Variants in PUS3 observed in about 807,000 individuals in gnomAD.
PUS3 encodes the protein pseudouridine synthase 3.
In PUS3, 36 loss-of-function variants were observed where a neutral mutation model predicts 43.3. The observed-to-expected ratio is 0.83, with a 90% confidence interval of 0.64 to 1.10. The LOEUF (loss-of-function observed/expected upper bound fraction) is 1.10, where lower values mean the gene tolerates loss of function less well. PUS3 is among the 50% of genes least tolerant of loss of function. The pLI, the probability that PUS3 is intolerant of heterozygous loss-of-function variation, is 0.00. For synonymous variants in PUS3, 183 were observed against 199.2 expected (o/e 0.92, Z 0.69); for missense variants, 544 against 589.9 (o/e 0.92, Z 0.81).
Position 125,895,406 on chromosome 11 carries a change from A to G in PUS3, c.762T>C (p.Gly254=), listed in dbSNP as rs767044829. The change falls in exon 3 of 4, where the codon GGT becomes GGC. Residue 254 remains glycine (G), a synonymous_variant. Transcript: ENST00000227474. ...GGAAAGGTTCTTGCCATCTCCCCTC[A>G]CCTGGGCTCTGGCCCACTAGCTGTA... ...AQVQLVGQSP[G]EGRWQEPFQL... 6.2e-7 allele frequency: 1 copy of G among 1,614,024 alleles called. No individual in the cohort carries two copies. Among genetic ancestry groups the G allele is most frequent in the East Asian group, 2.2e-5 (1 of 44,882 alleles).
At chr11:125,896,630 T>C (rs746870594) in intron 1 of PUS3, among the ~76,000 whole-genome samples, 9 of 152,252 alleles carry the variant, frequency 5.9e-5, no homozygotes, top group Non-Finnish European at 1.3e-4. Context: ...ACTGAATTGA[T>C]TGAGGACTGA....
At position 125,893,831 on chromosome 11, in the gene PUS3, G is replaced by A. The variant is rs1417057617; in HGVS notation, c.1400C>T (p.Pro467Leu). 1.2e-6 allele frequency: 2 copies of A among 1,613,310 alleles called. No homozygotes were observed. Among genetic ancestry groups the A allele is most frequent in the Admixed American group, 1.7e-5 (1 of 59,952 alleles). ...TGTGTCAACACAGACCCTCTTCGTT[G>A]GTGTCTCCAAATTAGTATTCTCTTC... is the stretch of plus-strand genomic sequence containing the variant. The part of the protein sequence containing the change: ...LEEENTNLET[P>L]TKRVCVDTEI... The change falls in exon 4 of 4, where the codon CCA (proline) becomes CTA (leucine). Residue 467 changes from proline to leucine, a missense_variant. Coordinates refer to ENST00000227474, the MANE Select transcript of PUS3 (RefSeq NM_031307.4).
At chr11:125,897,984 T>C (rs1944638801) in intron 1 of PUS3, among the ~76,000 whole-genome samples, 1 of 152,158 alleles carries the variant, frequency 6.6e-6, no homozygotes, top group Admixed American at 6.5e-5. Context: ...CATTCATACA[T>C]TGGAATTCCG....
rs756716912 is a variant in PUS3 at position 125,900,048 on chromosome 11, G to A, written c.-47+3122C>T. ...TACAAACGGGACTGGGACTCAATAC[G>A]TTTACCTGGTGAAGATCATAGAAAG... On this transcript the variant is annotated intron_variant, in intron 1 of 3. Transcript: ENST00000227474. 12 of 1,614,086 alleles carry A rather than the reference G, an allele frequency of 7.4e-6. No homozygotes were observed. The highest frequency in any genetic ancestry group is 6.7e-5 in the African/African-American group (5 of 74,920).
rs1482306454 is a variant in PUS3 at position 125,895,710 on chromosome 11, G to A, written c.458C>T (p.Ala153Val). 1 of 1,613,816 alleles carries A rather than the reference G, an allele frequency of 6.2e-7. No homozygotes were observed. Among genetic ancestry groups the A allele is most frequent in the South Asian group, 1.1e-5 (1 of 91,058 alleles). ...GGTATAACGGATCTCTTCAGCAGCA[G>A]CATTAGCCTCCTCTTTTACATTAAA... The part of the protein sequence containing the change: ...EDFNVKEEAN[A>V]AAEEIRYTHI... The change falls in exon 3 of 4, where the codon GCT becomes GTT. Residue 153 changes from alanine to valine, a missense_variant. Ala to Val is a moderately conservative substitution (Grantham distance 64). Coordinates refer to ENST00000227474, the MANE Select transcript of PUS3 (RefSeq NM_031307.4).
At chr11:125,896,532 T>C (rs2134248328) in intron 1 of PUS3, among the ~76,000 whole-genome samples, 1 of 152,360 alleles carries the variant, frequency 6.6e-6, no homozygotes, top group Non-Finnish European at 1.5e-5. Flanking sequence ...GGGAAAGAAC[T>C]GTTTGTTATT....
Position 125,900,020 on chromosome 11 carries a change from G to T in PUS3, c.-47+3150C>A, listed in dbSNP as rs774714429. On this transcript the variant is annotated intron_variant, in intron 1 of 3. Coordinates refer to ENST00000227474, the MANE Select transcript of PUS3 (RefSeq NM_031307.4). ...GACAGACCGGGTAGCCCGGTATTTT[G>T]AGTACAAACGGGACTGGGACTCAAT... 2.5e-6 allele frequency: 4 copies of T among 1,614,076 alleles called. No homozygotes were observed. Among genetic ancestry groups the T allele is most frequent in the Non-Finnish European group, 3.4e-6 (4 of 1,180,052 alleles).
Position 125,895,423 on chromosome 11 carries a change from C to T in PUS3, c.745G>A (p.Val249Met), listed in dbSNP as rs763863295. 1.4e-5 allele frequency: 22 copies of T among 1,613,926 alleles called. No homozygotes were observed. Among genetic ancestry groups the T allele is most frequent in the Admixed American group, 1.7e-5 (1 of 59,998 alleles). Reference protein sequence around the residue: ...RTILSAQVQLVGQSPGEGRWQ... With the variant: ...RTILSAQVQLMGQSPGEGRWQ... ...CTCCCCTCACCTGGGCTCTGGCCCA[C>T]TAGCTGTACTTGAGCAGATAGAATA... Residue 249 changes from valine to methionine, a missense_variant, in exon 3 of 4, where the codon GTG (valine) becomes ATG (methionine). By Grantham distance (21) the Val-to-Met change is conservative. Transcript: ENST00000227474.
At chr11:125,899,033 A>G (rs1359894106) in intron 1 of PUS3, 4 of 265,416 alleles carry the variant, frequency 1.5e-5, no homozygotes, top group African/African-American at 8.6e-5. Context: ...CATAATGTGC[A>G]TTAAGCAGTA....
intron 1 of PUS3, chr11:125,900,896 G>A (rs1199547877): frequency 2.0e-5 from 3 of 152,444 alleles, no homozygotes; most frequent in Non-Finnish European, 4.4e-5. Flanking sequence ...TGTAGTCCCA[G>A]CTACTCGGGA....
chr11:125,895,360 T>A lies in PUS3; in HGVS notation c.808A>T (p.Thr270Ser). 1 of 1,614,168 alleles carries A rather than the reference T, an allele frequency of 6.2e-7. No homozygotes were observed. The highest frequency in any genetic ancestry group is 2.2e-5 in the East Asian group (1 of 44,890). Residue 270 changes from threonine to serine, a missense_variant, in exon 3 of 4, where the codon ACT becomes TCT. Physicochemically the swap from Thr to Ser is moderately conservative, Grantham distance 58. Transcript: ENST00000227474. ...TGATGATAAAGGAATGCCTGGCCAGTCACTTCAAACTGACATAACTGGAAA... is the reference window on the plus strand; with the variant it reads ...TGATGATAAAGGAATGCCTGGCCAGACACTTCAAACTGACATAACTGGAAA... ...EPFQLCQFEVTGQAFLYHQVR... is the reference protein window; with the variant it reads ...EPFQLCQFEVSGQAFLYHQVR...
chr11:125,901,027 A>T (rs1001292387), intron 1 of PUS3, among the ~76,000 whole-genome samples: 530 of 146,814 alleles, frequency 3.6e-3, no homozygotes, highest in Non-Finnish European at 6.3e-3. Context: ...AAAAAAAAAA[A>T]GAAGGAACAA....
chr11:125,901,161 G>C (rs1161871144), intron 1 of PUS3, among the ~76,000 whole-genome samples: 2 of 152,052 alleles, frequency 1.3e-5, no homozygotes, highest in Non-Finnish European at 2.9e-5. Context: ...CCCCAAAACA[G>C]TACCATATAA....
Position 125,893,953 on chromosome 11 carries a change from C to G in PUS3, c.1278G>C (p.Arg426=), listed in dbSNP as rs781641680. 10 of 1,614,136 alleles carry G rather than the reference C, an allele frequency of 6.2e-6. No homozygotes were observed. The highest frequency in any genetic ancestry group is 7.6e-6 in the Non-Finnish European group (9 of 1,180,022). The change falls in exon 4 of 4, where the codon CGG becomes CGC. Residue 426 remains arginine (R), a synonymous_variant. Coordinates refer to ENST00000227474, the MANE Select transcript of PUS3 (RefSeq NM_031307.4). ...GTCCCCTACGTACAAAATGCTGGAT[C>G]CGGGATTCCAGTCCTTGGCATTTAG... ...DRPKCQGLES[R]IQHFVRRGRI...
chr11:125,902,037 CCAAAGTT>C (rs1944787184), intron 1 of PUS3, among the ~76,000 whole-genome samples: 1 of 152,146 alleles, frequency 6.6e-6, no homozygotes, highest in East Asian at 1.9e-4. Context: ...ACCAAAGTCT[CCAAAGTT>C]CAACTCCCGT....
Position 125,893,715 on chromosome 11 carries a change from A to ATTTT in PUS3, c.*66_*69dup. On this transcript the variant is annotated 3_prime_UTR_variant, in exon 4 of 4. Transcript: ENST00000227474. ...CTGAATTCCTAGTACTTGCAAGTAA[A>ATTTT]TTTTTTTTTTTTTCCTTTTCTGTCC... 2.9e-6 allele frequency: 3 copies of ATTTT among 1,041,860 alleles called. No individual in the cohort carries two copies. The highest frequency in any genetic ancestry group is 3.9e-6 in the Non-Finnish European group (3 of 775,362). 64.5% of individuals were successfully genotyped at this position (1,041,860 alleles called of 1,614,324 possible).
chr11:125,902,765 T>G (rs1944814198), intron 1 of PUS3, among the ~76,000 whole-genome samples: 2 of 152,044 alleles, frequency 1.3e-5, no homozygotes, highest in Non-Finnish European at 2.9e-5. Context: ...GTGGTCTGTA[T>G]GTAAGGCAAT....
At chr11:125,900,394 A>T in intron 1 of PUS3, 1 of 883,998 alleles carries the variant, frequency 1.1e-6, no homozygotes, top group Non-Finnish European at 1.8e-6. Context: ...TTCACCTATC[A>T]TTGGTCTTTC....
intron 1 of PUS3, among the ~76,000 whole-genome samples, chr11:125,897,630 T>C (rs1339521013): frequency 6.6e-6 from 1 of 152,072 alleles, no homozygotes; most frequent in African/African-American, 2.4e-5. Context: ...TTTTAAATGC[T>C]CAATTTTACT....
Sources: allele counts gnomAD v4.1 joint callset (sites outside exome capture counted in the v4.1 genomes callset), GRCh38; gene constraint gnomAD v4.1.1; transcripts MANE v1.5; gene names NCBI Gene and HGNC (gene_info 2026-07-23, HGNC 2026-07-21).